MAML3: variants seen among roughly 807,000 people sequenced by gnomAD.
MAML3 encodes mastermind-like protein 3.
A neutral mutation model predicts 101.9 loss-of-function variants in MAML3; 27 were observed. The ratio of observed to expected loss-of-function variants is 0.27; its 90% confidence interval spans 0.20 to 0.37. The LOEUF (loss-of-function observed/expected upper bound fraction) is 0.37, where lower values mean the gene tolerates loss of function less well. Ranked by LOEUF, MAML3 falls within the 10% of genes least tolerant of loss-of-function variation. The pLI is 1.00. For synonymous variants in MAML3, 501 were observed against 555.9 expected (o/e 0.90, Z 1.39); for missense variants, 1,316 against 1,444.9 (o/e 0.91, Z 1.45).
At chr4:139,835,316 ATAT>A (rs1731239649) in intron 2 of MAML3, among the ~76,000 whole-genome samples, 1 of 152,224 alleles carries the variant, frequency 6.6e-6, no homozygotes, top group Non-Finnish European at 1.5e-5. Flanking sequence ...AGGGCGCCTG[ATAT>A]TATGCTACAA....
chr4:140,086,754 C>T lies in MAML3; in HGVS notation c.468+66106G>A, dbSNP rs537408166. 1.3e-5 allele frequency among the ~76,000 whole-genome samples: 2 copies of T among 152,146 alleles called. 1 individual carries two copies. The highest frequency in any genetic ancestry group is 1.3e-4 in the Admixed American group (2 of 15,278). On this transcript the variant is annotated intron_variant, in intron 1 of 4. Transcript: ENST00000509479. ...GGACCATGAACATTAAACCATTTCACTAGAAATTTTCTTTGTTTCTAACCT... is the reference window on the plus strand; with the variant it reads ...GGACCATGAACATTAAACCATTTCATTAGAAATTTTCTTTGTTTCTAACCT...
intron 1 of MAML3, among the ~76,000 whole-genome samples, chr4:140,003,738 C>T (rs1192948403): frequency 1.3e-5 from 2 of 152,158 alleles, no homozygotes; most frequent in Admixed American, 1.3e-4. Context: ...AGATTCAAGT[C>T]CTAGCTCAGC....
At chr4:139,792,894 A>G (rs762459630) in intron 2 of MAML3, among the ~76,000 whole-genome samples, 9 of 151,694 alleles carry the variant, frequency 5.9e-5, no homozygotes, top group Non-Finnish European at 8.8e-5. Context: ...ATAGGCGCCC[A>G]CCACCAGGCC....
At chr4:140,021,905 G>A (rs537763117) in intron 1 of MAML3, among the ~76,000 whole-genome samples, 1 of 152,156 alleles carries the variant, frequency 6.6e-6, no homozygotes, top group East Asian at 1.9e-4. Flanking sequence ...ACTTTTCTAC[G>A]TGTCAGGTGC....
chr4:139,879,187 C>T (rs778009428), intron 2 of MAML3, among the ~76,000 whole-genome samples: 17 of 152,112 alleles, frequency 1.1e-4, no homozygotes, highest in African/African-American at 2.7e-4. Context: ...GTTTGTTTTG[C>T]GCCCAGCCCG....
intron 1 of MAML3, among the ~76,000 whole-genome samples, chr4:139,915,251 C>CTGT (rs1384423946): frequency 6.6e-6 from 1 of 152,228 alleles, no homozygotes; most frequent in Non-Finnish European, 1.5e-5. Flanking sequence ...CAGGTTAACA[C>CTGT]AGCCTCTTGA....
At chr4:139,732,167 C>T (rs1979188) in intron 2 of MAML3, among the ~76,000 whole-genome samples, 151,218 of 152,380 alleles carry the variant, frequency 0.99, 75,037 homozygotes, top group East Asian at 1. Flanking sequence ...TGGATTTTAA[C>T]ATTTTTCTTC....
chr4:140,103,480 C>A (rs899271623), intron 1 of MAML3, among the ~76,000 whole-genome samples: 1 of 152,136 alleles, frequency 6.6e-6, no homozygotes, highest in African/African-American at 2.4e-5. Flanking sequence ...AATTGGAACT[C>A]TTCTATTGTT....
intron 1 of MAML3, among the ~76,000 whole-genome samples, chr4:139,977,532 G>A (rs1057264693): frequency 1.3e-5 from 2 of 152,106 alleles, no homozygotes; most frequent in Admixed American, 6.6e-5. Flanking sequence ...GCCCTTACTG[G>A]TAATACTAAT....
chr4:139,860,668 C>T (rs1207998619), intron 2 of MAML3, among the ~76,000 whole-genome samples: 1 of 152,152 alleles, frequency 6.6e-6, no homozygotes, highest in South Asian at 2.1e-4. Context: ...TTAGGCTGTG[C>T]GCACACAATA....
intron 4 of MAML3, among the ~76,000 whole-genome samples, chr4:139,724,775 CTTTT>C (rs34621312): frequency 1.5e-5 from 2 of 130,228 alleles, no homozygotes. Context: ...CCTCAAGGGT[CTTTT>C]TTTTTTTTTT....
chr4:140,008,019 T>C (rs1441544625), intron 1 of MAML3, among the ~76,000 whole-genome samples: 5 of 152,234 alleles, frequency 3.3e-5, no homozygotes, highest in East Asian at 1.9e-4. Flanking sequence ...CTAGGATTAA[T>C]ATTTGTGATA....
At chr4:140,126,287 C>A (rs1380879287) in intron 1 of MAML3, among the ~76,000 whole-genome samples, 1 of 151,926 alleles carries the variant, frequency 6.6e-6, no homozygotes, top group African/African-American at 2.4e-5. Context: ...TTCCCTCATA[C>A]ACATGCCGTT....
chr4:139,954,465 G>A (rs930825450), intron 1 of MAML3, among the ~76,000 whole-genome samples: 2 of 152,176 alleles, frequency 1.3e-5, no homozygotes, highest in East Asian at 3.8e-4. Flanking sequence ...TGTTTAGCAG[G>A]GAGTCCGCAT....
At chr4:139,856,506 A>G (rs2111160859) in intron 2 of MAML3, among the ~76,000 whole-genome samples, 1 of 152,334 alleles carries the variant, frequency 6.6e-6, no homozygotes, top group South Asian at 2.1e-4. Flanking sequence ...AGCAGGTAGC[A>G]CTCAGAGAGT....
chr4:139,870,755 C>T (rs959348154), intron 2 of MAML3, among the ~76,000 whole-genome samples: 2 of 152,188 alleles, frequency 1.3e-5, no homozygotes, highest in Non-Finnish European at 2.9e-5. Flanking sequence ...GATCCTTCCA[C>T]CTCAGCCTCC....
At chr4:139,873,569 C>T (rs989633813) in intron 2 of MAML3, among the ~76,000 whole-genome samples, 18 of 152,170 alleles carry the variant, frequency 1.2e-4, no homozygotes, top group East Asian at 3.8e-4. Flanking sequence ...TGTGTGATTT[C>T]GATAGTATGT....
At position 139,792,981 on chromosome 4, in the gene MAML3, T is replaced by C. The variant is rs377284085; in HGVS notation, c.2080-62314A>G. ...CAGGATGGTCTTGATCTCCTGACCT[T>C]GTGATCCGCCCGCCTCGGCCTCCCA... On this transcript the variant is annotated intron_variant, in intron 2 of 4. Transcript: ENST00000509479. Among the ~76,000 whole-genome samples the C allele has an allele frequency of 5.7e-3, 863 of 152,084 alleles. 6 individuals are homozygous for C. Among genetic ancestry groups the C allele is most frequent in the African/African-American group, 0.02 (820 of 41,498 alleles).
rs71584337 is a variant in MAML3, at chr4:139,842,762, CTTTTTTTTTTTT to C, written c.2079+46583_2079+46594del. Reference sequence around the variant, plus strand: ...TCCTGGCCTCAAGTTATCCGCTTGCCTTTTTTTTTTTTTTTTTTTTTTTTTTTTTTTTTTGAG... The same window carrying C: ...TCCTGGCCTCAAGTTATCCGCTTGCCTTTTTTTTTTTTTTTTTTTTTTGAG... On this transcript the variant is annotated intron_variant, in intron 2 of 4. Coordinates refer to ENST00000509479, the MANE Select transcript of MAML3 (RefSeq NM_018717.5). 2.8e-3 allele frequency among the ~76,000 whole-genome samples: 86 copies of C among 30,912 alleles called. 1 individual carries two copies. Among genetic ancestry groups the C allele is most frequent in the African/African-American group, 0.01 (78 of 7,448 alleles). The allele number at this position is 30,912 out of a possible 152,430, so 20.3% of individuals were successfully genotyped here. A position where few individuals can be genotyped will look rare whatever the true frequency, so the allele number is the denominator to read the frequency against.
Sources: gnomAD v4.1 joint callset for allele counts (sites outside exome capture counted in the v4.1 genomes callset) on GRCh38, gnomAD v4.1.1 for gene constraint, MANE v1.5 for transcripts, NCBI Gene and HGNC (gene_info 2026-07-23, HGNC 2026-07-21) for gene names.